ICA1L: variants seen among roughly 807,000 people sequenced by gnomAD.
The protein encoded by ICA1L is islet cell autoantigen 1-like protein.
A neutral mutation model predicts 61.3 loss-of-function variants in ICA1L; 50 were observed. The observed-to-expected ratio is 0.82, with a 90% CI of 0.65 to 1.03. ICA1L has a LOEUF of 1.03. ICA1L is among the 50% of genes least tolerant of loss of function. The probability of loss-of-function intolerance (pLI) is 0.00; values close to 1 mark genes in which losing one functional copy is unlikely to be tolerated. For synonymous variants in ICA1L, 161 were observed against 191.3 expected, an observed-to-expected ratio of 0.84 and a Z score of 1.31; for missense variants, 508 against 556.7, an observed-to-expected ratio of 0.91 and a Z score of 0.88.
chr2:202,856,135 T>C (rs1483871950), intron 1 of ICA1L, among the ~76,000 whole-genome samples: 3 of 150,560 alleles, frequency 2.0e-5, no homozygotes, highest in Non-Finnish European at 4.4e-5. Context: ...ACTCATTTTA[T>C]GAGGCCAGCA....
At chr2:202,822,928 G>C (rs1693737670) in intron 3 of ICA1L, among the ~76,000 whole-genome samples, 1 of 152,208 alleles carries the variant, frequency 6.6e-6, no homozygotes, top group East Asian at 1.9e-4. Flanking sequence ...AGCAGATGGG[G>C]TTTGGGGAGT....
chr2:202,777,015 T>C lies in ICA1L; in HGVS notation c.*2518A>G, dbSNP rs571547437. On this transcript the variant is annotated 3_prime_UTR_variant, in exon 13 of 13. Coordinates refer to ENST00000358299, the MANE Select transcript of ICA1L (RefSeq NM_001288622.3). The stretch of plus-strand genomic sequence containing the variant: ...GCAAGGTGACCACTACAAAGAAAAA[T>C]GGTACAAACTCTCAAGACATAAAGT... 1 of 145,004 alleles carries C rather than the reference T, an allele frequency of 6.9e-6. No homozygotes were observed. The highest frequency in any genetic ancestry group is 2.0e-4 in the East Asian group (1 of 4,920). The allele number at this position is 145,004 out of a possible 1,614,324, so 9.0% of individuals were successfully genotyped here.
At chr2:202,784,473 T>C (rs1178890529) in intron 12 of ICA1L, among the ~76,000 whole-genome samples, 1 of 152,110 alleles carries the variant, frequency 6.6e-6, no homozygotes, top group Non-Finnish European at 1.5e-5. Flanking sequence ...TGAATCTATA[T>C]TGATAATAAA....
intron 2 of ICA1L, 120 bp downstream of exon 2, chr2:202,828,728 T>G (rs1360694702): frequency 1.2e-6 from 1 of 804,956 alleles, no homozygotes; most frequent in African/African-American, 1.7e-5. Flanking sequence ...CAACTAAACA[T>G]TCTATTATCA....
At chr2:202,852,513 A>T (rs1440066943) in intron 1 of ICA1L, among the ~76,000 whole-genome samples, 1 of 151,540 alleles carries the variant, frequency 6.6e-6, no homozygotes, top group Non-Finnish European at 1.5e-5. Context: ...TACTAAAAAC[A>T]CAAAAAAATT....
At chr2:202,869,473 G>A (rs1687631732) in intron 1 of ICA1L, 1 of 152,070 alleles carries the variant, frequency 6.6e-6, no homozygotes, top group African/African-American at 2.4e-5. Context: ...TGCAATAATA[G>A]ACATGTATAA....
Position 202,849,767 on chromosome 2 carries a change from G to C in ICA1L, c.-7-20751C>G, listed in dbSNP as rs117949457. ...AGAGAGCATCTGATCCTGACAAGGAGGATTCTCCCAGCACAGCAATTGAGC... is the reference window on the plus strand; with the variant it reads ...AGAGAGCATCTGATCCTGACAAGGACGATTCTCCCAGCACAGCAATTGAGC... On this transcript the variant is annotated intron_variant, in intron 1 of 12. Transcript: ENST00000358299. This position sits in a 1 kb window ranked among gnomAD's most constrained non-coding sequence, Gnocchi z 4.5. Among the ~76,000 whole-genome samples, 760 of 152,288 alleles carry C rather than the reference G, an allele frequency of 5.0e-3. 23 individuals carry two copies. The East Asian group carries it at 0.073, about 15-fold the overall frequency.
At chr2:202,859,240 C>T (rs1222677758) in intron 1 of ICA1L, among the ~76,000 whole-genome samples, 1 of 152,146 alleles carries the variant, frequency 6.6e-6, no homozygotes, top group Non-Finnish European at 1.5e-5. Context: ...TCGGCTTCAA[C>T]ATTAGATTAT....
intron 1 of ICA1L, among the ~76,000 whole-genome samples, chr2:202,859,554 C>A (rs1694855109): frequency 6.6e-6 from 1 of 152,010 alleles, no homozygotes; most frequent in Admixed American, 6.6e-5. Flanking sequence ...TAAATGCAAA[C>A]CTGTGTTTAT....
At chr2:202,829,755 G>A (rs116258072) in intron 1 of ICA1L, among the ~76,000 whole-genome samples, 5,454 of 152,110 alleles carry the variant, frequency 0.036, 132 homozygotes, top group Middle Eastern at 0.061. Flanking sequence ...TAAAACTTAC[G>A]ATTTTGCAGT....
chr2:202,840,371 C>G, intron 1 of ICA1L: 1 of 489,032 alleles, frequency 2.0e-6, no homozygotes, highest in South Asian at 1.6e-5. Flanking sequence ...CACCAGCTTC[C>G]CATCGTGGAT....
intron 1 of ICA1L, among the ~76,000 whole-genome samples, chr2:202,866,177 G>A (rs1687506074): frequency 1.3e-5 from 2 of 152,192 alleles, no homozygotes; most frequent in Admixed American, 1.3e-4. Context: ...CCTAATATTG[G>A]AGGTTGGGCC....
intron 1 of ICA1L, among the ~76,000 whole-genome samples, chr2:202,862,273 A>C (rs66839524): frequency 0.36 from 2,949 of 8,148 alleles, 361 homozygotes; most frequent in Middle Eastern, 0.44. Flanking sequence ...TCATTTCTAC[A>C]AAAAAAAAAA....
At chr2:202,803,140 G>C (rs1348541290) in intron 9 of ICA1L, among the ~76,000 whole-genome samples, 4 of 152,094 alleles carry the variant, frequency 2.6e-5, no homozygotes, top group African/African-American at 9.7e-5. Context: ...AGGCATGGTG[G>C]CTCACACCTG....
chr2:202,788,956 C>G lies in ICA1L; in HGVS notation c.1117G>C (p.Gly373Arg), dbSNP rs1692668614. 6.2e-7 allele frequency: 1 copy of G among 1,614,036 alleles called. No individual in the cohort carries two copies. Among genetic ancestry groups the G allele is most frequent in the Admixed American group, 1.7e-5 (1 of 59,994 alleles). Reference protein sequence around the residue: ...EFTQECQTAFGSPSASLTSQE... With the variant: ...EFTQECQTAFRSPSASLTSQE... ...GATGTGAGACTGGCACTGGGGCTCC[C>G]AAAGGCAGTCTGGCATTCTTGGGTA... The change falls in exon 11 of 13, where the codon GGG becomes CGG. Residue 373 changes from glycine (G) to arginine (R), a missense_variant. Transcript: ENST00000358299.
intron 1 of ICA1L, among the ~76,000 whole-genome samples, chr2:202,856,091 A>G (rs923316026): frequency 2.7e-5 from 4 of 149,888 alleles, no homozygotes; most frequent in Admixed American, 2.7e-4. Flanking sequence ...AAAAAAAAAA[A>G]GGGAAGAAAA....
intron 9 of ICA1L, among the ~76,000 whole-genome samples, chr2:202,811,268 T>C (rs1210331374): frequency 1.3e-5 from 2 of 152,038 alleles, no homozygotes; most frequent in African/African-American, 4.8e-5. Flanking sequence ...CAGCCGACAC[T>C]TGGGGAAAAT....
At chr2:202,783,141 G>C (rs1293421474) in intron 12 of ICA1L, among the ~76,000 whole-genome samples, 1 of 152,182 alleles carries the variant, frequency 6.6e-6, no homozygotes, top group Non-Finnish European at 1.5e-5. Flanking sequence ...CTTGTAAATA[G>C]AGAGGGAATG....
intron 11 of ICA1L, among the ~76,000 whole-genome samples, chr2:202,787,648 T>C (rs1412701973): frequency 6.6e-6 from 1 of 152,240 alleles, no homozygotes; most frequent in Non-Finnish European, 1.5e-5. Flanking sequence ...ACTCCACATA[T>C]CATGCCCTTG....
Sources: gnomAD v4.1 joint callset for allele counts (sites outside exome capture counted in the v4.1 genomes callset) on GRCh38, gnomAD v4.1.1 for gene constraint, Gnocchi (gnomAD v3.1) non-coding constraint, MANE v1.5 for transcripts, NCBI Gene and HGNC (gene_info 2026-07-23, HGNC 2026-07-21) for gene names.